Variants in MTPN observed in about 807,000 individuals in gnomAD.
MTPN encodes the protein granule cell differentiation protein.
Under a neutral mutation model 13.5 loss-of-function variants are expected in MTPN, and 2 were observed. That is an observed-to-expected ratio of 0.15 (90% CI 0.06 to 0.47). The LOEUF (loss-of-function observed/expected upper bound fraction) is 0.47. MTPN is among the 20% of genes least tolerant of loss of function. The pLI is 0.97. For synonymous variants in MTPN, 46 were observed against 51.7 expected (o/e 0.89, Z 0.48); for missense variants, 79 against 137.9 (o/e 0.57, Z 2.14).
chr7:135,970,458 T>C (rs1337172168), intron 1 of MTPN, among the ~76,000 whole-genome samples: 1 of 152,200 alleles, frequency 6.6e-6, no homozygotes, highest in African/African-American at 2.4e-5. Context: ...ATTTTTGTCT[T>C]CTTTATTCTT....
chr7:135,940,156 T>A (rs1046112242), intron 3 of MTPN, among the ~76,000 whole-genome samples: 2 of 152,166 alleles, frequency 1.3e-5, no homozygotes, highest in East Asian at 1.9e-4. Context: ...CATGGTACTA[T>A]GAGAAAATGT....
intron 3 of MTPN, among the ~76,000 whole-genome samples, chr7:135,949,831 T>C (rs1799337053): frequency 6.6e-6 from 1 of 152,194 alleles, no homozygotes. Flanking sequence ...CTCATTTCTG[T>C]TTTTCTCTTG....
chr7:135,931,587 T>A (rs1265779211), intron 3 of MTPN, among the ~76,000 whole-genome samples: 1 of 152,170 alleles, frequency 6.6e-6, no homozygotes. Context: ...CGTGAGAACT[T>A]CAGTGCTGTG....
At chr7:135,962,215 T>A (rs1396325373) in intron 1 of MTPN, among the ~76,000 whole-genome samples, 2 of 149,664 alleles carry the variant, frequency 1.3e-5, no homozygotes, top group Non-Finnish European at 1.5e-5. Flanking sequence ...GCAATGGGAT[T>A]AGATTGCATT....
intron 1 of MTPN, among the ~76,000 whole-genome samples, chr7:135,959,949 T>C (rs953704480): frequency 3.3e-5 from 5 of 152,066 alleles, no homozygotes; most frequent in Non-Finnish European, 7.4e-5. Context: ...TGCCAAGTTG[T>C]TTTTTCCTTC....
In MTPN at chr7:135,950,679, G is replaced by A. The variant is rs1799352167; in HGVS notation, c.190C>T (p.Pro64Ser). ...AGAGGAGTAATATGATGTTTATCTG[G>A]AGCCTATGAAATAATAAACAGAGAT... ...LLLKGADINA[P>S]DKHHITPLLS... is the part of the protein sequence containing the mutation. The change falls in exon 3 of 4, where the codon CCA becomes TCA. Residue 64 changes from proline to serine, a missense_variant. Pro to Ser is a moderately conservative substitution (Grantham distance 74). Transcript: ENST00000393085. The A allele has an allele frequency of 6.2e-7, 1 of 1,602,880 alleles. No homozygotes were observed.
At chr7:135,974,180 A>G (rs777861406) in intron 1 of MTPN, among the ~76,000 whole-genome samples, 1 of 152,204 alleles carries the variant, frequency 6.6e-6, no homozygotes. Flanking sequence ...TCGAACTTTA[A>G]TAGAGAAGTC....
In MTPN at chr7:135,929,792, G is replaced by T; in HGVS notation, c.*134C>A. 1.2e-6 allele frequency: 1 copy of T among 852,044 alleles called. No homozygotes were observed. The highest frequency in any genetic ancestry group is 1.9e-6 in the Non-Finnish European group (1 of 529,436). 52.8% of individuals were successfully genotyped at this position (852,044 alleles called of 1,614,324 possible). On this transcript the variant is annotated 3_prime_UTR_variant, in exon 4 of 4. Coordinates refer to ENST00000393085, the MANE Select transcript of MTPN (RefSeq NM_145808.4). ...TTTTTCTGGTAGTCGGATTTGTTAT[G>T]AATTTCTCTCTCCCCTCACCCCTCT... is the stretch of plus-strand genomic sequence containing the variant.
intron 3 of MTPN, among the ~76,000 whole-genome samples, chr7:135,947,854 T>C (rs183563295): frequency 3.9e-5 from 6 of 152,312 alleles, no homozygotes; most frequent in Admixed American, 3.9e-4. Flanking sequence ...CAGCATATCA[T>C]ATAAAGTTTG....
chr7:135,933,192 T>C lies in MTPN; in HGVS notation c.271-3180A>G, dbSNP rs1584804573. Among the ~76,000 whole-genome samples the C allele has an allele frequency of 2.0e-5, 3 of 152,018 alleles. No homozygotes were observed. The East Asian group carries it at 5.8e-4, about 29-fold the overall frequency. On this transcript the variant is annotated intron_variant, in intron 3 of 3. Coordinates refer to ENST00000393085, the MANE Select transcript of MTPN (RefSeq NM_145808.4). ...CCCTATCCCTTCCTTGAAGAAACCA[T>C]TTTTTAATTGTTTTTAATTATTTGC...
At chr7:135,934,597 C>T (rs925729759) in intron 3 of MTPN, among the ~76,000 whole-genome samples, 3 of 152,198 alleles carry the variant, frequency 2.0e-5, no homozygotes, top group Non-Finnish European at 4.4e-5. Flanking sequence ...CTTTCTAAAG[C>T]ACAAGGAAAA....
intron 1 of MTPN, among the ~76,000 whole-genome samples, chr7:135,952,406 C>T (rs945300744): frequency 1.3e-5 from 2 of 152,138 alleles, no homozygotes; most frequent in Admixed American, 1.3e-4. Flanking sequence ...ACTACCTTCG[C>T]TATGGACCAG....
chr7:135,935,393 C>A (rs1283270971), intron 3 of MTPN, among the ~76,000 whole-genome samples: 1 of 152,098 alleles, frequency 6.6e-6, no homozygotes, highest in East Asian at 1.9e-4. Flanking sequence ...TGCATACCAC[C>A]ATGCCTGACT....
intron 1 of MTPN, among the ~76,000 whole-genome samples, chr7:135,974,774 A>T (rs1799747615): frequency 6.6e-6 from 1 of 152,218 alleles, no homozygotes; most frequent in South Asian, 2.1e-4. Flanking sequence ...GAGTGTTCAC[A>T]AATTGGTAGA....
At chr7:135,958,959 C>G (rs1178552532) in intron 1 of MTPN, among the ~76,000 whole-genome samples, 2 of 151,988 alleles carry the variant, frequency 1.3e-5, no homozygotes, top group Non-Finnish European at 2.9e-5. Context: ...CTAACCGATC[C>G]CCTGATAAGT....
chr7:135,932,427 C>T (rs2116339649), intron 3 of MTPN: 1 of 152,102 alleles, frequency 6.6e-6, no homozygotes, highest in East Asian at 1.9e-4. Context: ...TGTTGACTAT[C>T]TCTGCTATTT....
At chr7:135,970,959 G>A (rs549995486) in intron 1 of MTPN, among the ~76,000 whole-genome samples, 2 of 152,238 alleles carry the variant, frequency 1.3e-5, no homozygotes, top group East Asian at 3.9e-4. Flanking sequence ...AGAAAAAAAA[G>A]GGAAGCTGCC....
At chr7:135,938,482 A>G (rs570698570) in intron 3 of MTPN, among the ~76,000 whole-genome samples, 7 of 152,358 alleles carry the variant, frequency 4.6e-5, no homozygotes, top group African/African-American at 1.4e-4. Context: ...CTAGTTTAAC[A>G]TTTTATGACA....
chr7:135,951,988 A>G (rs1239336246), intron 1 of MTPN, among the ~76,000 whole-genome samples: 1 of 152,236 alleles, frequency 6.6e-6, no homozygotes, highest in African/African-American at 2.4e-5. Flanking sequence ...TTCATATTAC[A>G]TGTATTTTAA....
Sources: allele counts gnomAD v4.1 joint callset (sites outside exome capture counted in the v4.1 genomes callset), GRCh38; gene constraint gnomAD v4.1.1; transcripts MANE v1.5; gene names NCBI Gene and HGNC (gene_info 2026-07-23, HGNC 2026-07-21).